ADGRV1: variants seen among roughly 807,000 people sequenced by gnomAD.
The protein encoded by ADGRV1 is G-protein coupled receptor 98.
ADGRV1 carries 359 observed loss-of-function variants against 596.2 expected under a neutral mutation model. The observed-to-expected ratio is 0.60, with a 90% CI of 0.55 to 0.66. ADGRV1 has a LOEUF of 0.66. ADGRV1 is among the 30% of genes least tolerant of loss of function. ADGRV1 has a pLI of 0.00. For synonymous variants in ADGRV1, 2,681 were observed against 2,679.2 expected, an observed-to-expected ratio of 1.00 and a Z score of -0.02; for missense variants, 7,274 against 7,575.6, an observed-to-expected ratio of 0.96 and a Z score of 1.48.
chr5:90,596,778 T>C (rs540573016), intron 1 of ADGRV1, among the ~76,000 whole-genome samples: 1 of 150,344 alleles, frequency 6.7e-6, no homozygotes, highest in South Asian at 2.1e-4. Context: ...AGGGTGACCG[T>C]GGAAAGAGAG....
At chr5:90,593,415 C>T (rs971105414) in intron 1 of ADGRV1, among the ~76,000 whole-genome samples, 5 of 151,792 alleles carry the variant, frequency 3.3e-5, no homozygotes, top group South Asian at 2.1e-4. Context: ...AACACATGGA[C>T]ACAGGGCGGG....
At chr5:90,773,059 T>C (rs1757860745) in intron 59 of ADGRV1, among the ~76,000 whole-genome samples, 1 of 151,812 alleles carries the variant, frequency 6.6e-6, no homozygotes, top group African/African-American at 2.4e-5. Flanking sequence ...ATCCTAGCTA[T>C]TCGGGAGACT....
chr5:90,797,179 A>T (rs2150161452), intron 70 of ADGRV1, among the ~76,000 whole-genome samples: 1 of 151,116 alleles, frequency 6.6e-6, no homozygotes, highest in East Asian at 2.0e-4. Flanking sequence ...AGACTGCCAA[A>T]TTGGATAAAG....
At chr5:90,576,077 C>T (rs1580321913) in intron 1 of ADGRV1, among the ~76,000 whole-genome samples, 2 of 152,112 alleles carry the variant, frequency 1.3e-5, no homozygotes, top group Non-Finnish European at 1.5e-5. Context: ...GACAAGACAT[C>T]CCAGCACTGC....
At chr5:91,048,435 G>A (rs985210278) in intron 85 of ADGRV1, among the ~76,000 whole-genome samples, 7 of 152,256 alleles carry the variant, frequency 4.6e-5, no homozygotes, top group South Asian at 2.1e-4. Flanking sequence ...CTAGCCTGCT[G>A]CTAGAGTAGC....
chr5:90,669,172 C>G (rs764366154), intron 21 of ADGRV1, among the ~76,000 whole-genome samples: 2 of 152,220 alleles, frequency 1.3e-5, no homozygotes, highest in African/African-American at 4.8e-5. Context: ...TAAAGCCATA[C>G]TCTTTCCACC....
intron 82 of ADGRV1, among the ~76,000 whole-genome samples, chr5:90,862,994 G>A (rs1182407771): frequency 1.3e-5 from 2 of 152,156 alleles, no homozygotes; most frequent in Non-Finnish European, 2.9e-5. Flanking sequence ...CAAAGCACAT[G>A]GCAAAGCAGT....
At chr5:90,928,277 C>A (rs371427212) in intron 83 of ADGRV1, among the ~76,000 whole-genome samples, 1 of 152,064 alleles carries the variant, frequency 6.6e-6, no homozygotes, top group Admixed American at 6.5e-5. Flanking sequence ...ACCAATCAGA[C>A]GTAGATTTGG....
At chr5:91,101,217 CTT>C (rs1289366274) in intron 86 of ADGRV1, among the ~76,000 whole-genome samples, 1 of 152,100 alleles carries the variant, frequency 6.6e-6, no homozygotes, top group Admixed American at 6.6e-5. Flanking sequence ...GAAAAAAAAA[CTT>C]TCTCATTGTA....
chr5:91,133,949 C>A (rs1165760152), intron 87 of ADGRV1, among the ~76,000 whole-genome samples: 1 of 152,100 alleles, frequency 6.6e-6, no homozygotes, highest in Non-Finnish European at 1.5e-5. Flanking sequence ...AAGGTAAATC[C>A]TCAGTATGCC....
At chr5:90,896,266 G>GGTTT (rs1247863321) in intron 83 of ADGRV1, among the ~76,000 whole-genome samples, 12 of 76,398 alleles carry the variant, frequency 1.6e-4, no homozygotes, top group African/African-American at 4.6e-4. Flanking sequence ...GGTGACCAGT[G>GGTTT]GTTTTTTTTT....
At chr5:90,617,738 T>A in intron 2 of ADGRV1, 66 bp from the exon 3 acceptor site, 1 of 1,311,034 alleles carries the variant, frequency 7.6e-7, no homozygotes, top group Non-Finnish European at 1.1e-6. Flanking sequence ...TTGCTGTAAT[T>A]AACATCAGTT....
chr5:90,653,879 A>G lies in ADGRV1; in HGVS notation c.4305A>G (p.Ile1435Met), dbSNP rs918141815. 2 of 1,600,176 alleles carry G rather than the reference A, an allele frequency of 1.2e-6. No individual in the cohort carries two copies. The highest frequency in any genetic ancestry group is 1.7e-6 in the Non-Finnish European group (2 of 1,172,752). Residue 1435 changes from isoleucine (I) to methionine (M), a missense_variant, in exon 20 of 90, where the codon ATA becomes ATG. By Grantham distance (10) the Ile-to-Met change is conservative. This residue lies in a region of ADGRV1 where 38 missense variants were observed against 66.7 expected (regional missense o/e 0.57). Coordinates refer to ENST00000405460, the MANE Select transcript of ADGRV1 (RefSeq NM_032119.4). ...LHLLIILEDG[I>M]IEFYLDGNAM... ...TACTAATTATCCTGGAGGATGGTATAATCGAATTCTACCTGGATGGAAATG... is the reference window on the plus strand; with the variant it reads ...TACTAATTATCCTGGAGGATGGTATGATCGAATTCTACCTGGATGGAAATG...
At position 90,697,010 on chromosome 5, in the gene ADGRV1, T is replaced by C. The variant is rs1747273097; in HGVS notation, c.8019T>C (p.Val2673=). 6.2e-7 allele frequency: 1 copy of C among 1,613,188 alleles called. No homozygotes were observed. Among genetic ancestry groups the C allele is most frequent in the East Asian group, 2.2e-5 (1 of 44,866 alleles). ...CAGAGGATGACGAAAGTATCATAGTTAGTTTGGTGTACACTGAAGGTGGAA... is the reference window on the plus strand; with the variant it reads ...CAGAGGATGACGAAAGTATCATAGTCAGTTTGGTGTACACTGAAGGTGGAA... ...SEPEDDESII[V]SLVYTEGGSR... is the part of the protein sequence containing the mutation. Residue 2673 remains valine (V), a synonymous_variant, in exon 34 of 90, where the codon GTT becomes GTC. Coordinates refer to ENST00000405460, the MANE Select transcript of ADGRV1 (RefSeq NM_032119.4).
At chr5:90,759,339 C>T (rs1756196672) in intron 57 of ADGRV1, 70 bp from the exon 58 acceptor site, 1 of 1,154,630 alleles carries the variant, frequency 8.7e-7, no homozygotes, top group South Asian at 1.5e-5. Flanking sequence ...TACATTATTT[C>T]TTTCCTCATT....
rs768333284 is a variant in ADGRV1 at position 90,627,198 on chromosome 5, A to G, written c.673-13A>G. 6.9e-7 allele frequency: 1 copy of G among 1,457,968 alleles called. No homozygotes were observed. Among genetic ancestry groups the G allele is most frequent in the Non-Finnish European group, 9.1e-7 (1 of 1,095,732 alleles). 90.3% of individuals were successfully genotyped at this position (1,457,968 alleles called of 1,614,324 possible). A position where few individuals can be genotyped will look rare whatever the true frequency, so the allele number is the denominator to read the frequency against. On this transcript the variant is annotated splice_polypyrimidine_tract_variant and intron_variant, in intron 6 of 89. Coordinates refer to ENST00000405460, the MANE Select transcript of ADGRV1 (RefSeq NM_032119.4). ...CTGTTGATGTTTTGCCTCTGTTTATATTCCTTTAACAGGTACCAGAAAATG... is the reference window on the plus strand; with the variant it reads ...CTGTTGATGTTTTGCCTCTGTTTATGTTCCTTTAACAGGTACCAGAAAATG...
chr5:90,874,499 C>T (rs1179468146), intron 83 of ADGRV1, among the ~76,000 whole-genome samples: 1 of 152,016 alleles, frequency 6.6e-6, no homozygotes, highest in Admixed American at 6.6e-5. Context: ...CAGGAATTGC[C>T]TGTCTTGTTC....
chr5:90,715,239 T>C (rs937158615), intron 42 of ADGRV1, among the ~76,000 whole-genome samples: 23 of 152,162 alleles, frequency 1.5e-4, no homozygotes, highest in African/African-American at 5.3e-4. Flanking sequence ...GGAAAGCTGA[T>C]AGATGATGTC....
At chr5:90,599,258 C>T (rs1478422447) in intron 1 of ADGRV1, among the ~76,000 whole-genome samples, 1 of 152,032 alleles carries the variant, frequency 6.6e-6, no homozygotes, top group East Asian at 1.9e-4. Context: ...CTAATGAATA[C>T]CTTATTTAAA....
Sources: allele counts gnomAD v4.1 joint callset (sites outside exome capture counted in the v4.1 genomes callset), GRCh38; gene constraint gnomAD v4.1.1; regional missense constraint gnomAD v4.1.1; transcripts MANE v1.5; gene names NCBI Gene and HGNC (gene_info 2026-07-23, HGNC 2026-07-21).